HMBOX1: variants seen among roughly 807,000 people sequenced by gnomAD.
The protein encoded by HMBOX1 is homeobox containing 1.
Under a neutral mutation model 54.5 loss-of-function variants are expected in HMBOX1, and 14 were observed. That is an observed-to-expected ratio of 0.26 (90% CI 0.17 to 0.40). HMBOX1 has a LOEUF of 0.40. Ranked by LOEUF, HMBOX1 falls within the 10% of genes least tolerant of loss-of-function variation. The pLI, the probability that HMBOX1 is intolerant of heterozygous loss-of-function variation, is 1.00. For missense variants in HMBOX1, 332 were observed against 514.4 expected (o/e 0.65, Z 3.43); for synonymous variants, 160 against 181.0 (o/e 0.88, Z 0.93).
At chr8:29,045,125 C>G (rs1347205022) in intron 6 of HMBOX1, among the ~76,000 whole-genome samples, 2 of 152,154 alleles carry the variant, frequency 1.3e-5, no homozygotes, top group Non-Finnish European at 2.9e-5. Flanking sequence ...AAATAAAATT[C>G]AAATTCCATC....
chr8:29,049,143 G>T, intron 9 of HMBOX1, 95 bp downstream of exon 9: 1 of 1,463,278 alleles, frequency 6.8e-7, no homozygotes, highest in East Asian at 2.3e-5. Flanking sequence ...TGGGGTGGGG[G>T]AGGGGAAACA....
In HMBOX1 at chr8:28,963,882, T is replaced by A. The variant is rs369410329; in HGVS notation, c.15T>A (p.Phe5Leu). 1.2e-6 allele frequency: 2 copies of A among 1,603,170 alleles called. No individual in the cohort carries two copies. The highest frequency in any genetic ancestry group is 1.7e-6 in the Non-Finnish European group (2 of 1,173,646). MLSS[F>L]PVVLLETMSH... The stretch of plus-strand genomic sequence containing the variant: ...TCATGTAAAGTATGCTTAGTTCCTT[T>A]CCAGTGGTGTAAGTATCAAGTCCTT... Residue 5 changes from phenylalanine to leucine, a missense_variant, in exon 2 of 10, where the codon TTT (phenylalanine) becomes TTA (leucine). By Grantham distance (22) the Phe-to-Leu change is conservative. Around this residue, in one of 4 missense-constraint regions of HMBOX1, gnomAD observed 146 missense variants for 173.3 expected, o/e 0.84. Transcript: ENST00000287701.
chr8:28,978,634 A>G (rs1046508900), intron 3 of HMBOX1, among the ~76,000 whole-genome samples: 1 of 152,124 alleles, frequency 6.6e-6, no homozygotes, highest in African/African-American at 2.4e-5. Flanking sequence ...TAAAAATGCA[A>G]AAATTAGCCG....
At chr8:28,904,271 C>T (rs1197251037) in intron 1 of HMBOX1, among the ~76,000 whole-genome samples, 1 of 137,062 alleles carries the variant, frequency 7.3e-6, no homozygotes, top group Non-Finnish European at 1.5e-5. Flanking sequence ...TTTTTTGAGA[C>T]GGAGTCTTGC....
In HMBOX1 at chr8:29,051,694, A is replaced by G. The variant is rs1322168511; in HGVS notation, c.*539A>G. 5.8e-6 allele frequency: 4 copies of G among 692,348 alleles called. No homozygotes were observed. 42.9% of individuals were successfully genotyped at this position (692,348 alleles called of 1,614,324 possible). On this transcript the variant is annotated 3_prime_UTR_variant, in exon 10 of 10. Transcript: ENST00000287701. ...CAGCTGCAATAAGCCGTGCCTCATT[A>G]TAGCCACACTGTGGCTAGATTATAC...
At chr8:28,929,353 T>G (rs1391244236) in intron 1 of HMBOX1, among the ~76,000 whole-genome samples, 7 of 152,270 alleles carry the variant, frequency 4.6e-5, no homozygotes, top group Admixed American at 3.9e-4. Flanking sequence ...AAAGAATGAT[T>G]GTGAGAAGGG....
At chr8:28,918,105 C>T (rs571937335) in intron 1 of HMBOX1, among the ~76,000 whole-genome samples, 173 of 152,270 alleles carry the variant, frequency 1.1e-3, no homozygotes, top group African/African-American at 3.9e-3. Flanking sequence ...TCAAATTGGC[C>T]AGTGAAACTA....
At chr8:29,016,012 T>C (rs979466859) in intron 5 of HMBOX1, among the ~76,000 whole-genome samples, 3 of 152,242 alleles carry the variant, frequency 2.0e-5, no homozygotes, top group Non-Finnish European at 4.4e-5. Context: ...AGCAGAAATG[T>C]TAAGTAGTTA....
chr8:28,912,418 A>G (rs568920826), intron 1 of HMBOX1, among the ~76,000 whole-genome samples: 1 of 152,316 alleles, frequency 6.6e-6, no homozygotes, highest in Admixed American at 6.5e-5. Context: ...AGATTCTGCC[A>G]TGTTTCTGTT....
chr8:28,975,089 A>G (rs186595029), intron 3 of HMBOX1, among the ~76,000 whole-genome samples: 24 of 152,356 alleles, frequency 1.6e-4, no homozygotes, highest in Non-Finnish European at 3.5e-4. Flanking sequence ...TAAATTATCT[A>G]GATCAGGCTT....
intron 6 of HMBOX1, among the ~76,000 whole-genome samples, chr8:29,041,340 C>G (rs138584262): frequency 1.3e-5 from 2 of 152,286 alleles, no homozygotes; most frequent in East Asian, 3.9e-4. Flanking sequence ...TGCAATACCT[C>G]TTTGCCTTCT....
intron 1 of HMBOX1, among the ~76,000 whole-genome samples, chr8:28,904,167 G>A (rs1167730941): frequency 2.1e-5 from 3 of 145,998 alleles, no homozygotes; most frequent in South Asian, 2.2e-4. Context: ...ATGATTTCCA[G>A]TTTTTTTTTT....
chr8:29,009,280 T>G (rs1833893841), intron 5 of HMBOX1, 98 bp downstream of exon 5: 2 of 1,128,212 alleles, frequency 1.8e-6, no homozygotes, highest in Non-Finnish European at 2.6e-6. Context: ...GTAAGATGGT[T>G]TCATACTTTA....
At chr8:28,990,591 A>G (rs1162606047) in intron 4 of HMBOX1, among the ~76,000 whole-genome samples, 4 of 152,150 alleles carry the variant, frequency 2.6e-5, no homozygotes, top group Non-Finnish European at 5.9e-5. Context: ...CATGAGGGAC[A>G]TTCTGGGTTT....
chr8:29,014,269 G>C (rs529216215), intron 5 of HMBOX1, among the ~76,000 whole-genome samples: 1 of 130,212 alleles, frequency 7.7e-6, no homozygotes, highest in Non-Finnish European at 1.7e-5. Context: ...TTAGATGGGG[G>C]GAAAAAAGAT....
At chr8:28,983,177 C>T (rs1416024188) in intron 4 of HMBOX1, among the ~76,000 whole-genome samples, 1 of 152,212 alleles carries the variant, frequency 6.6e-6, no homozygotes, top group African/African-American at 2.4e-5. Context: ...GTTCTTCCTC[C>T]TCTTCATTTC....
intron 2 of HMBOX1, among the ~76,000 whole-genome samples, chr8:28,968,589 A>T (rs1366062385): frequency 3.3e-5 from 5 of 152,202 alleles, no homozygotes; most frequent in Non-Finnish European, 7.3e-5. Flanking sequence ...GGATGAGATT[A>T]TGTTATGTGA....
intron 1 of HMBOX1, among the ~76,000 whole-genome samples, chr8:28,922,503 A>G (rs1817725853): frequency 6.6e-6 from 1 of 152,212 alleles, no homozygotes; most frequent in Non-Finnish European, 1.5e-5. Flanking sequence ...GTGCTTTGAG[A>G]AATGAAGCAA....
At chr8:28,951,206 C>G (rs1294190492) in intron 1 of HMBOX1, among the ~76,000 whole-genome samples, 1 of 152,238 alleles carries the variant, frequency 6.6e-6, no homozygotes, top group Admixed American at 6.5e-5. Context: ...GTTCTCAGCT[C>G]ACTGCACCCT....
Sources: gnomAD v4.1 joint callset for allele counts (sites outside exome capture counted in the v4.1 genomes callset) on GRCh38, gnomAD v4.1.1 for gene constraint, gnomAD v4.1.1 regional missense constraint, MANE v1.5 for transcripts, NCBI Gene and HGNC (gene_info 2026-07-23, HGNC 2026-07-21) for gene names.